The following MAD1L1 variants were observed in gnomAD, a reference collection of about 807,000 sequenced individuals.
MAD1L1 encodes the protein mitotic arrest deficient 1 like 1.
A neutral mutation model predicts 96.9 loss-of-function variants in MAD1L1; 95 were observed. The ratio of observed to expected loss-of-function variants is 0.98; its 90% CI spans 0.83 to 1.16. The LOEUF (loss-of-function observed/expected upper bound fraction) is 1.16, where lower values mean the gene tolerates loss of function less well. Ranked by LOEUF, MAD1L1 falls within the 50% of genes most tolerant of loss-of-function variation. The pLI, the probability that MAD1L1 is intolerant of heterozygous loss-of-function variation, is 0.00. For missense variants in MAD1L1, 1,007 were observed against 954.4 expected (o/e 1.06, Z -0.73); for synonymous variants, 473 against 396.6 (o/e 1.19, Z -2.29).
rs61398876 is a variant in MAD1L1, at chr7:2,133,339, G to A, written c.1073+15813C>T. ...CCGCACGTGCTTCTCCGTCACCCGC[G>A]TGTCTGCTTTGGTGAGGCGCCTGTT... On this transcript the variant is annotated intron_variant, in intron 11 of 18. Coordinates refer to ENST00000265854, the MANE Select transcript of MAD1L1 (RefSeq NM_001013836.2). 1.7e-3 allele frequency among the ~76,000 whole-genome samples: 259 copies of A among 152,308 alleles called. 4 individuals are homozygous for A. The East Asian group carries it at 0.02, about 12-fold the overall frequency.
In MAD1L1 at chr7:1,961,343, C is replaced by T. The variant is rs192739491; in HGVS notation, c.1506-3624G>A. ...AGGGGCTACCTAATTTCACCAACTA[C>T]GTTAAAGCCGTAGTAATCACAACAG... On this transcript the variant is annotated intron_variant, in intron 15 of 18. Transcript: ENST00000265854. Among the ~76,000 whole-genome samples, 427 of 152,302 alleles carry T rather than the reference C, an allele frequency of 2.8e-3. 7 individuals carry two copies. The highest frequency in any genetic ancestry group is 3.1e-4 in the Non-Finnish European group (21 of 68,034).
intron 15 of MAD1L1, among the ~76,000 whole-genome samples, chr7:1,963,365 T>C (rs1780028002): frequency 6.6e-6 from 1 of 152,036 alleles, no homozygotes; most frequent in African/African-American, 2.4e-5. Context: ...CCCAGAAGAC[T>C]CGACAGCCGC....
intron 18 of MAD1L1, chr7:1,847,785 G>A: frequency 6.7e-6 from 3 of 447,260 alleles, no homozygotes; most frequent in South Asian, 1.6e-5. Flanking sequence ...AAGAATGAAC[G>A]AATCGGCCTG....
At chr7:2,100,246 T>C (rs1786709696) in intron 11 of MAD1L1, among the ~76,000 whole-genome samples, 1 of 152,238 alleles carries the variant, frequency 6.6e-6, no homozygotes, top group African/African-American at 2.4e-5. Flanking sequence ...AAGCCCAGCC[T>C]GTTTCTGAGC....
At chr7:1,939,166 T>G (rs1169174210) in intron 16 of MAD1L1, among the ~76,000 whole-genome samples, 2 of 58,948 alleles carry the variant, frequency 3.4e-5, no homozygotes, top group Non-Finnish European at 3.1e-5. Context: ...CACACACACA[T>G]ACGGGCCAGG....
intron 11 of MAD1L1, among the ~76,000 whole-genome samples, chr7:2,074,496 G>C (rs1785285736): frequency 6.6e-6 from 1 of 152,222 alleles, no homozygotes; most frequent in Non-Finnish European, 1.5e-5. Context: ...GGAGGGCCTG[G>C]ACCCAGGCCT....
intron 14 of MAD1L1, among the ~76,000 whole-genome samples, chr7:1,995,019 T>C (rs1377180658): frequency 6.6e-6 from 1 of 152,218 alleles, no homozygotes; most frequent in Non-Finnish European, 1.5e-5. Flanking sequence ...GCGGTGTTCC[T>C]GTTAGGGCAG....
chr7:2,221,139 C>T, intron 5 of MAD1L1: 1 of 932,986 alleles, frequency 1.1e-6, no homozygotes, highest in Non-Finnish European at 1.6e-6. Flanking sequence ...CCACCATCTT[C>T]CCCTCACTAT....
chr7:2,067,827 C>T (rs375966177), intron 12 of MAD1L1, among the ~76,000 whole-genome samples: 302 of 152,382 alleles, frequency 2.0e-3, no homozygotes, highest in Non-Finnish European at 3.4e-3. Flanking sequence ...AGCCCTTCTG[C>T]GGCACCACCA....
At chr7:2,157,829 G>C (rs1311246165) in intron 10 of MAD1L1, among the ~76,000 whole-genome samples, 1 of 152,212 alleles carries the variant, frequency 6.6e-6, no homozygotes, top group Non-Finnish European at 1.5e-5. Context: ...CTCCTGACCT[G>C]TGTGTGGTTA....
chr7:1,826,740 A>T (rs1782414792), intron 18 of MAD1L1, among the ~76,000 whole-genome samples: 1 of 152,234 alleles, frequency 6.6e-6, no homozygotes, highest in African/African-American at 2.4e-5. Flanking sequence ...AGTTCCAAAG[A>T]ACGGAAGCTG....
intron 12 of MAD1L1, among the ~76,000 whole-genome samples, chr7:2,033,662 G>A (rs1783332685): frequency 6.6e-6 from 1 of 152,256 alleles, no homozygotes; most frequent in Non-Finnish European, 1.5e-5. Context: ...GTGGCAAGAA[G>A]TAAAATGCTA....
chr7:2,216,677 A>T (rs1584573992), intron 7 of MAD1L1, among the ~76,000 whole-genome samples: 1 of 152,170 alleles, frequency 6.6e-6, no homozygotes, highest in Admixed American at 6.5e-5. Context: ...CTACCAGGGT[A>T]GGCTGTGTGT....
At chr7:2,208,201 T>C (rs1423676453) in intron 10 of MAD1L1, among the ~76,000 whole-genome samples, 5 of 152,196 alleles carry the variant, frequency 3.3e-5, no homozygotes, top group African/African-American at 4.8e-5. Context: ...ATACATGGTA[T>C]GTACCTCGAG....
Position 2,158,190 on chromosome 7 carries a change from C to G in MAD1L1, c.987-8952G>C, listed in dbSNP as rs561181385. 3.5e-3 allele frequency among the ~76,000 whole-genome samples: 531 copies of G among 152,350 alleles called. 6 individuals carry two copies. The highest frequency in any genetic ancestry group is 4.9e-3 in the Non-Finnish European group (332 of 68,032). On this transcript the variant is annotated intron_variant, in intron 10 of 18. Coordinates refer to ENST00000265854, the MANE Select transcript of MAD1L1 (RefSeq NM_001013836.2). ...ATTTTGACTCAAGCCCAGCTGCACG[C>G]AGAGCAGCAGAGGGCTGTGGGGAGT...
rs1453107068 is a variant in MAD1L1, at chr7:1,957,671, T to C, written c.1554A>G (p.Glu518=). ...LEGERSRLEE[E]KRMLEAQLER... Reference sequence around the variant, plus strand: ...CCAGCTGTGCCTCCAGCATCCTCTTTTCCTCCTCCAGCCGACTCCGCTCGC... The same window carrying C: ...CCAGCTGTGCCTCCAGCATCCTCTTCTCCTCCTCCAGCCGACTCCGCTCGC... The change falls in exon 16 of 19, where the codon GAA becomes GAG. Residue 518 remains glutamate, a synonymous_variant. Coordinates refer to ENST00000265854, the MANE Select transcript of MAD1L1 (RefSeq NM_001013836.2). The C allele has an allele frequency of 1.2e-6, 2 of 1,613,956 alleles. No individual in the cohort carries two copies. Among genetic ancestry groups the C allele is most frequent in the East Asian group, 2.2e-5 (1 of 44,880 alleles).
At chr7:1,865,443 C>CA (rs1784734706) in intron 18 of MAD1L1, among the ~76,000 whole-genome samples, 1 of 152,232 alleles carries the variant, frequency 6.6e-6, no homozygotes, top group South Asian at 2.1e-4. Context: ...GCAGAGCTTT[C>CA]AGAGGTCTCA....
chr7:2,140,413 G>A (rs73039225), intron 11 of MAD1L1, among the ~76,000 whole-genome samples: 3,043 of 152,372 alleles, frequency 0.02, 50 homozygotes, highest in Middle Eastern at 0.037. Context: ...CACCAGGGCC[G>A]AATGGCCCTC....
chr7:2,186,792 CTTT>C (rs111676405), intron 10 of MAD1L1, among the ~76,000 whole-genome samples: 1 of 143,110 alleles, frequency 7.0e-6, no homozygotes. Flanking sequence ...TTTTCTTTTT[CTTT>C]TTTTTTTTTT....
Sources: gnomAD v4.1 joint callset for allele counts (sites outside exome capture counted in the v4.1 genomes callset) on GRCh38, gnomAD v4.1.1 for gene constraint, MANE v1.5 for transcripts, NCBI Gene and HGNC (gene_info 2026-07-23, HGNC 2026-07-21) for gene names.